The following INPP5D variants were observed in gnomAD, a reference collection of about 807,000 sequenced individuals.
INPP5D encodes the protein inositol polyphosphate-5-phosphatase D, also known as phosphatidylinositol 3,4,5-trisphosphate 5-phosphatase 1.
INPP5D carries 33 observed loss-of-function variants against 122.9 expected under a neutral mutation model. The observed-to-expected ratio is 0.27, with a 90% confidence interval of 0.20 to 0.36. The LOEUF is 0.36. Ranked by LOEUF, INPP5D falls within the 10% of genes least tolerant of loss-of-function variation. The pLI is 1.00. For synonymous variants in INPP5D, 584 were observed against 576.2 expected (o/e 1.01, Z -0.19); for missense variants, 1,053 against 1,412.7 (o/e 0.75, Z 4.08).
intron 20 of INPP5D, 71 bp from the exon 21 acceptor site, chr2:233,185,772 G>A: frequency 7.3e-7 from 1 of 1,367,578 alleles, no homozygotes; most frequent in Non-Finnish European, 9.6e-7. Flanking sequence ...TGGGTGGGGT[G>A]ACCCCAGGGA....
intron 25 of INPP5D, among the ~76,000 whole-genome samples, chr2:233,200,427 C>T (rs1185977893): frequency 6.6e-6 from 1 of 152,236 alleles, no homozygotes; most frequent in East Asian, 1.9e-4. Context: ...TTATCATAAC[C>T]TCAGGGGTTC....
chr2:233,175,090 C>T (rs182517180), intron 17 of INPP5D, among the ~76,000 whole-genome samples: 18 of 151,668 alleles, frequency 1.2e-4, no homozygotes, highest in Admixed American at 2.0e-4. Flanking sequence ...TGCTGATGGG[C>T]GCCTGTAATC....
chr2:233,147,631 C>T (rs1402029345), intron 9 of INPP5D, 37 bp downstream of exon 9: 1 of 699,378 alleles, frequency 1.4e-6, no homozygotes, highest in Non-Finnish European at 2.6e-6. Flanking sequence ...CTGCCCCTCA[C>T]CTGCCTGTGG....
chr2:233,064,115 T>C (rs964009026), intron 1 of INPP5D, among the ~76,000 whole-genome samples: 2 of 152,268 alleles, frequency 1.3e-5, no homozygotes, highest in African/African-American at 2.4e-5. Context: ...TGTCAGTATA[T>C]AGGCTGCCCT....
intron 13 of INPP5D, among the ~76,000 whole-genome samples, chr2:233,165,318 C>T (rs1473824881): frequency 6.6e-6 from 1 of 151,504 alleles, no homozygotes; most frequent in East Asian, 1.9e-4. Context: ...TATGTGAGTC[C>T]GTGTATGAGT....
chr2:233,104,426 A>T (rs983777721), intron 2 of INPP5D, among the ~76,000 whole-genome samples: 2 of 152,176 alleles, frequency 1.3e-5, no homozygotes, highest in Non-Finnish European at 2.9e-5. Flanking sequence ...ATGCTCGGTC[A>T]CACTTAGGGC....
At chr2:233,073,133 C>T (rs1055708975) in intron 1 of INPP5D, among the ~76,000 whole-genome samples, 17 of 152,170 alleles carry the variant, frequency 1.1e-4, no homozygotes, top group Admixed American at 1.0e-3. Context: ...AAGCAGCCCC[C>T]GGAGATTTGC....
intron 1 of INPP5D, among the ~76,000 whole-genome samples, chr2:233,077,175 A>G (rs1397056222): frequency 1.3e-5 from 2 of 152,238 alleles, no homozygotes; most frequent in Non-Finnish European, 2.9e-5. Context: ...ATAGTATGAT[A>G]TTATTGGCAT....
chr2:233,102,046 G>T (rs995039711), intron 2 of INPP5D, among the ~76,000 whole-genome samples: 1 of 151,764 alleles, frequency 6.6e-6, no homozygotes, highest in Non-Finnish European at 1.5e-5. Flanking sequence ...CTGTTAGTTC[G>T]TTAAACCACT....
chr2:233,099,228 C>T (rs866816373), intron 2 of INPP5D, among the ~76,000 whole-genome samples: 1 of 152,146 alleles, frequency 6.6e-6, no homozygotes, highest in Non-Finnish European at 1.5e-5. Context: ...TGGGATCACA[C>T]GTGTGAGCCA....
chr2:233,089,314 G>T (rs892038406), intron 2 of INPP5D, among the ~76,000 whole-genome samples: 9 of 152,186 alleles, frequency 5.9e-5, no homozygotes, highest in African/African-American at 2.2e-4. Flanking sequence ...TCCTGGGGAA[G>T]GGTTTACTAC....
Position 233,206,399 on chromosome 2 carries a change from C to A in INPP5D, c.3568-307C>A, listed in dbSNP as rs996045580. Among the ~76,000 whole-genome samples, 1 of 151,878 alleles carries A rather than the reference C, an allele frequency of 6.6e-6. No individual in the cohort carries two copies. Among genetic ancestry groups the A allele is most frequent in the Non-Finnish European group, 1.5e-5 (1 of 67,992 alleles). On this transcript the variant is annotated intron_variant, in intron 26 of 26. Coordinates refer to ENST00000445964, the MANE Select transcript of INPP5D (RefSeq NM_001017915.3). The surrounding 1 kb of genome is among the most constrained non-coding windows in gnomAD (Gnocchi z 4.0). ...GTACGTACCTGGGTGTGGTGCCATGCACCTGTAGTCCCAGCTACTGGGGAG... is the reference window on the plus strand; with the variant it reads ...GTACGTACCTGGGTGTGGTGCCATGAACCTGTAGTCCCAGCTACTGGGGAG...
intron 24 of INPP5D, 93 bp from the exon 25 acceptor site, chr2:233,198,002 C>G (rs984919364): frequency 5.2e-5 from 75 of 1,441,160 alleles, no homozygotes; most frequent in Non-Finnish European, 6.3e-5. Context: ...CTCGAGAGAG[C>G]CCTAGGGTTA....
At chr2:233,092,480 ATTAG>A (rs1236804637) in intron 2 of INPP5D, among the ~76,000 whole-genome samples, 3 of 152,110 alleles carry the variant, frequency 2.0e-5, no homozygotes, top group Non-Finnish European at 4.4e-5. Flanking sequence ...AAACATAATG[ATTAG>A]GGCAGGTTTT....
At chr2:233,070,736 C>A (rs6759488) in intron 1 of INPP5D, among the ~76,000 whole-genome samples, 4 of 151,910 alleles carry the variant, frequency 2.6e-5, no homozygotes, top group African/African-American at 9.7e-5. Context: ...CCACCGCGCC[C>A]GGCCAGGATC....
In INPP5D at chr2:233,107,147, T is replaced by G. The variant is rs529543155; in HGVS notation, c.199-14960T>G. Among the ~76,000 whole-genome samples, 105 of 152,308 alleles carry G rather than the reference T, an allele frequency of 6.9e-4. 1 individual carries two copies. The highest frequency in any genetic ancestry group is 1.4e-3 in the Admixed American group (22 of 15,312). Reference sequence around the variant, plus strand: ...TAAGTGGATGCCCATGTCTGAGAGTTGACCTGGCATGAGGGTTTCCCCAGC... The same window carrying G: ...TAAGTGGATGCCCATGTCTGAGAGTGGACCTGGCATGAGGGTTTCCCCAGC... On this transcript the variant is annotated intron_variant, in intron 2 of 26. Transcript: ENST00000445964.
intron 2 of INPP5D, among the ~76,000 whole-genome samples, chr2:233,086,512 A>G (rs748511942): frequency 3.3e-5 from 5 of 152,034 alleles, no homozygotes; most frequent in Non-Finnish European, 5.9e-5. Context: ...GGAAGCTGCC[A>G]TAGGATGTGA....
At position 233,160,774 on chromosome 2, in the gene INPP5D, A is replaced by C. The variant is rs1359354683; in HGVS notation, c.1138-950A>C. 6.6e-6 allele frequency among the ~76,000 whole-genome samples: 1 copy of C among 151,964 alleles called. No individual in the cohort carries two copies. The highest frequency in any genetic ancestry group is 1.5e-5 in the Non-Finnish European group (1 of 67,968). On this transcript the variant is annotated intron_variant, in intron 10 of 26. Coordinates refer to ENST00000445964, the MANE Select transcript of INPP5D (RefSeq NM_001017915.3). The surrounding 1 kb of genome is among the most constrained non-coding windows in gnomAD (Gnocchi z 4.2). ...TCAACCTCCTAAGTTGGGAGGGACT[A>C]CAGGCATGCACCACCATGCCTGGCT...
chr2:233,143,747 C>G (rs1324353463), intron 6 of INPP5D, among the ~76,000 whole-genome samples: 5 of 152,092 alleles, frequency 3.3e-5, no homozygotes, highest in Non-Finnish European at 5.9e-5. Flanking sequence ...GGTGTGGTGT[C>G]TAAGGGTGGT....
Sources: allele counts gnomAD v4.1 joint callset (sites outside exome capture counted in the v4.1 genomes callset), GRCh38; gene constraint gnomAD v4.1.1; non-coding constraint Gnocchi (gnomAD v3.1); transcripts MANE v1.5; gene names NCBI Gene and HGNC (gene_info 2026-07-23, HGNC 2026-07-21).